LRP1B: variants seen among roughly 807,000 people sequenced by gnomAD.
LRP1B encodes LDL receptor related protein 1B.
Under a neutral mutation model 556.6 loss-of-function variants are expected in LRP1B, and 217 were observed. The observed-to-expected ratio is 0.39, with a 90% CI of 0.35 to 0.44. The LOEUF (loss-of-function observed/expected upper bound fraction) is 0.44. Among genes scored for constraint, LRP1B ranks in the 20% least tolerant of loss-of-function variants. LRP1B has a pLI of 1.00. For missense variants in LRP1B, 5,053 were observed against 5,620.8 expected, an observed-to-expected ratio of 0.90 and a Z score of 3.23; for synonymous variants, 2,047 against 1,865.8, an observed-to-expected ratio of 1.10 and a Z score of -2.50.
chr2:142,122,366 A>G (rs977418649), intron 1 of LRP1B, among the ~76,000 whole-genome samples: 1 of 152,162 alleles, frequency 6.6e-6, no homozygotes, highest in Admixed American at 6.6e-5. Context: ...AGTGTAATAC[A>G]ACAACGGACA....
At chr2:140,809,484 T>C (rs1690842399) in intron 32 of LRP1B, among the ~76,000 whole-genome samples, 1 of 152,170 alleles carries the variant, frequency 6.6e-6, no homozygotes, top group African/African-American at 2.4e-5. Flanking sequence ...CAGCCTAGAC[T>C]CAGATCCTAC....
At chr2:141,752,279 A>C (rs1261338363) in intron 2 of LRP1B, among the ~76,000 whole-genome samples, 2 of 152,180 alleles carry the variant, frequency 1.3e-5, no homozygotes, top group Non-Finnish European at 2.9e-5. Context: ...TGGGCAGAAG[A>C]GAATTTAAAG....
At chr2:141,994,197 T>A (rs972050468) in intron 1 of LRP1B, among the ~76,000 whole-genome samples, 1 of 152,100 alleles carries the variant, frequency 6.6e-6, no homozygotes, top group Non-Finnish European at 1.5e-5. Flanking sequence ...TTCCAGAGAG[T>A]TGTAGTTGTT....
intron 66 of LRP1B, among the ~76,000 whole-genome samples, chr2:140,391,229 TTTTGACAGCATTAAACAATA>T (rs1684005636): frequency 6.6e-6 from 1 of 152,130 alleles, no homozygotes; most frequent in Non-Finnish European, 1.5e-5. Context: ...TCAAAAATAT[TTTTGACAGCATTAAACAATA>T]TTTGACAGCA....
At chr2:141,796,878 C>T (rs1185164651) in intron 2 of LRP1B, among the ~76,000 whole-genome samples, 1 of 151,346 alleles carries the variant, frequency 6.6e-6, no homozygotes, top group East Asian at 1.9e-4. Flanking sequence ...TTTTGAAATA[C>T]TACATTCAAT....
intron 66 of LRP1B, among the ~76,000 whole-genome samples, chr2:140,386,355 A>G (rs1371953219): frequency 2.6e-5 from 4 of 152,036 alleles, no homozygotes; most frequent in Admixed American, 2.0e-4. Context: ...TTCCTTTAGG[A>G]CACTTCCTCT....
chr2:141,194,180 T>C (rs1681648686), intron 6 of LRP1B, among the ~76,000 whole-genome samples: 1 of 152,150 alleles, frequency 6.6e-6, no homozygotes, highest in Non-Finnish European at 1.5e-5. Flanking sequence ...GCCATCCTGC[T>C]GGTTCTCTTG....
At chr2:140,898,585 CT>C (rs1694015436) in intron 23 of LRP1B, 1 of 342,392 alleles carries the variant, frequency 2.9e-6, no homozygotes. Context: ...CAACCTACCA[CT>C]TTTGCTGATA....
chr2:141,269,369 G>A (rs1396050268), intron 3 of LRP1B, among the ~76,000 whole-genome samples: 3 of 152,152 alleles, frequency 2.0e-5, no homozygotes, highest in Non-Finnish European at 2.9e-5. Context: ...GACTATTTTA[G>A]AGCAATTTAT....
chr2:141,009,473 A>AGT (rs147481610), intron 14 of LRP1B, among the ~76,000 whole-genome samples: 1 of 151,724 alleles, frequency 6.6e-6, no homozygotes, highest in Non-Finnish European at 1.5e-5. Context: ...CACTTATGTA[A>AGT]GTGTGTGTGT....
At chr2:141,036,638 A>G (rs1490058385) in intron 11 of LRP1B, among the ~76,000 whole-genome samples, 1 of 152,050 alleles carries the variant, frequency 6.6e-6, no homozygotes, top group Non-Finnish European at 1.5e-5. Context: ...GCAAAGCCAT[A>G]TGTCCCTGAG....
chr2:141,142,747 A>C (rs1287034700), intron 7 of LRP1B, among the ~76,000 whole-genome samples: 1 of 152,028 alleles, frequency 6.6e-6, no homozygotes. Flanking sequence ...GAATGTGCTC[A>C]TAACATTCCT....
intron 84 of LRP1B, among the ~76,000 whole-genome samples, chr2:140,292,750 T>C (rs936763825): frequency 2.6e-5 from 4 of 152,192 alleles, no homozygotes; most frequent in Admixed American, 6.5e-5. Flanking sequence ...ATTTCCTTTC[T>C]TAATGCCGAA....
chr2:141,582,503 C>T (rs1283788011), intron 2 of LRP1B, among the ~76,000 whole-genome samples: 1 of 152,080 alleles, frequency 6.6e-6, no homozygotes, highest in East Asian at 1.9e-4. Flanking sequence ...CAAAGAGAGG[C>T]ACTAGTTTTA....
At chr2:140,319,724 G>C (rs1170105951) in intron 82 of LRP1B, among the ~76,000 whole-genome samples, 1 of 152,108 alleles carries the variant, frequency 6.6e-6, no homozygotes, top group Non-Finnish European at 1.5e-5. Flanking sequence ...TATGACGCAG[G>C]CAGAACAGCT....
intron 3 of LRP1B, among the ~76,000 whole-genome samples, chr2:141,300,782 G>A (rs1405001242): frequency 1.3e-5 from 2 of 152,096 alleles, no homozygotes; most frequent in Admixed American, 1.3e-4. Context: ...AAGCCGCTAT[G>A]CTTTCTGTAC....
intron 2 of LRP1B, among the ~76,000 whole-genome samples, chr2:141,523,357 A>G (rs1020331115): frequency 2.0e-5 from 3 of 152,120 alleles, no homozygotes; most frequent in African/African-American, 7.2e-5. Flanking sequence ...TTGAGATCAC[A>G]TCTCAAATCC....
chr2:140,387,140 C>T (rs1683793530), intron 66 of LRP1B, among the ~76,000 whole-genome samples: 1 of 152,126 alleles, frequency 6.6e-6, no homozygotes, highest in Non-Finnish European at 1.5e-5. Context: ...AGATCAACTC[C>T]TTATCAGCCA....
At chr2:141,668,366 T>C (rs1690524354) in intron 2 of LRP1B, among the ~76,000 whole-genome samples, 1 of 152,136 alleles carries the variant, frequency 6.6e-6, no homozygotes, top group Admixed American at 6.5e-5. Flanking sequence ...GGAACAGGCA[T>C]TCCTGTTTTT....
Sources: gnomAD v4.1 joint callset for allele counts (sites outside exome capture counted in the v4.1 genomes callset) on GRCh38, gnomAD v4.1.1 for gene constraint, MANE v1.5 for transcripts, NCBI Gene and HGNC (gene_info 2026-07-23, HGNC 2026-07-21) for gene names.